The following PCDH15 variants were observed in gnomAD, a reference collection of about 807,000 sequenced individuals.
PCDH15 encodes the protein protocadherin related 15, also known as protocadherin-15.
Under a neutral mutation model 178.5 loss-of-function variants are expected in PCDH15, and 129 were observed. That is an observed-to-expected ratio of 0.72 (90% CI 0.63 to 0.84). The LOEUF is 0.84. PCDH15 is among the 40% of genes least tolerant of loss of function. PCDH15 has a pLI of 0.00. For missense variants in PCDH15, 2,230 were observed against 2,099.9 expected (o/e 1.06, Z -1.21); for synonymous variants, 800 against 732.0 (o/e 1.09, Z -1.50).
At chr10:54,961,993 C>A (rs1220493149) in intron 2 of PCDH15, among the ~76,000 whole-genome samples, 1 of 152,228 alleles carries the variant, frequency 6.6e-6, no homozygotes, top group Non-Finnish European at 1.5e-5. Context: ...TACCTTGGGT[C>A]TCCTCTCTGA....
At chr10:55,185,071 A>G (rs1720573378) in intron 1 of PCDH15, among the ~76,000 whole-genome samples, 1 of 151,920 alleles carries the variant, frequency 6.6e-6, no homozygotes, top group African/African-American at 2.4e-5. Flanking sequence ...TTTTGTGGCA[A>G]TAATATTAAA....
intron 2 of PCDH15, among the ~76,000 whole-genome samples, chr10:54,584,260 A>G (rs766317837): frequency 1.6e-4 from 25 of 152,188 alleles, no homozygotes; most frequent in Non-Finnish European, 2.4e-4. Context: ...CATGTGTGGT[A>G]GTGCCCACCT....
intron 2 of PCDH15, among the ~76,000 whole-genome samples, chr10:55,515,985 T>C (rs539195704): frequency 6.6e-6 from 1 of 152,322 alleles, no homozygotes; most frequent in South Asian, 2.1e-4. Context: ...CACATATTTA[T>C]GTCCCTGGAA....
chr10:54,834,673 C>T (rs1953285089), intron 3 of PCDH15, among the ~76,000 whole-genome samples: 1 of 152,080 alleles, frequency 6.6e-6, no homozygotes, highest in South Asian at 2.1e-4. Flanking sequence ...TTGAAACAAA[C>T]ACTCTATACT....
chr10:54,013,606 C>T (rs1336369613), intron 20 of PCDH15, among the ~76,000 whole-genome samples: 1 of 152,130 alleles, frequency 6.6e-6, no homozygotes, highest in Non-Finnish European at 1.5e-5. Context: ...CTAAGAAAAA[C>T]ATTCAAAACC....
At chr10:55,321,054 A>G (rs2132299557), upstream of PCDH15, among the ~76,000 whole-genome samples, 1 of 152,108 alleles carries the variant, frequency 6.6e-6, no homozygotes, top group South Asian at 2.1e-4. Context: ...CTTTCACTAC[A>G]TAGGAGATGA....
At chr10:54,040,823 T>C (rs2093526175) in intron 18 of PCDH15, among the ~76,000 whole-genome samples, 1 of 152,056 alleles carries the variant, frequency 6.6e-6, no homozygotes, top group African/African-American at 2.4e-5. Flanking sequence ...AAGCTTAGCA[T>C]ATATGTGTGT....
rs372838138 is a variant in PCDH15, at chr10:55,104,089, TAAACA to T, written c.-80+62482_-80+62486del. Among the ~76,000 whole-genome samples, 1,242 of 152,042 alleles carry T rather than the reference TAAACA, an allele frequency of 8.2e-3. 15 individuals carry two copies. Among genetic ancestry groups the T allele is most frequent in the African/African-American group, 0.027 (1,121 of 41,482 alleles). ...CATACATACACACACACACACAAAATAAACAAAACAATTTCGTTTGCATAAAACAG... is the reference window on the plus strand; with the variant it reads ...CATACATACACACACACACACAAAATAAACAATTTCGTTTGCATAAAACAG... On this transcript the variant is annotated intron_variant, in intron 2 of 5. Coordinates refer to the PCDH15 transcript ENST00000458638.
At chr10:53,857,929 A>G (rs1377374533) in intron 27 of PCDH15, among the ~76,000 whole-genome samples, 1 of 152,062 alleles carries the variant, frequency 6.6e-6, no homozygotes, top group Non-Finnish European at 1.5e-5. Context: ...ATGGCATTTC[A>G]TCTTTTCCTC....
At chr10:53,884,246 C>T (rs1340254977) in intron 26 of PCDH15, among the ~76,000 whole-genome samples, 1 of 152,102 alleles carries the variant, frequency 6.6e-6, no homozygotes, top group Non-Finnish European at 1.5e-5. Context: ...AGACAGAAGA[C>T]TATATTTGAG....
chr10:55,101,965 C>T (rs183786249), intron 2 of PCDH15, among the ~76,000 whole-genome samples: 31 of 151,706 alleles, frequency 2.0e-4, no homozygotes, highest in African/African-American at 6.8e-4. Flanking sequence ...TATCTATTTT[C>T]ATGTATTAAA....
intron 13 of PCDH15, among the ~76,000 whole-genome samples, chr10:54,158,966 G>T (rs549963425): frequency 2.4e-4 from 36 of 152,122 alleles, no homozygotes; most frequent in Admixed American, 7.2e-4. Context: ...ATATTAGCCA[G>T]GCGTGGTGGC....
At chr10:55,531,883 C>T (rs1841461846) in intron 2 of PCDH15, among the ~76,000 whole-genome samples, 1 of 151,886 alleles carries the variant, frequency 6.6e-6, no homozygotes, top group African/African-American at 2.4e-5. Flanking sequence ...TAAGAGATCC[C>T]TTAAAACAAT....
intron 2 of PCDH15, among the ~76,000 whole-genome samples, chr10:54,950,339 T>C (rs556657849): frequency 8.5e-5 from 13 of 152,074 alleles, no homozygotes; most frequent in African/African-American, 2.9e-4. Flanking sequence ...ATAATTCCCA[T>C]GTGTTGTGGG....
At chr10:54,903,952 G>T (rs1016833076) in intron 2 of PCDH15, among the ~76,000 whole-genome samples, 2 of 152,036 alleles carry the variant, frequency 1.3e-5, no homozygotes, top group Non-Finnish European at 2.9e-5. Flanking sequence ...TATTCTGAGT[G>T]CACTCTAGAC....
At chr10:54,987,200 C>A (rs1007520673) in intron 2 of PCDH15, among the ~76,000 whole-genome samples, 2 of 152,100 alleles carry the variant, frequency 1.3e-5, no homozygotes, top group African/African-American at 2.4e-5. Flanking sequence ...TGAACTCATC[C>A]TTTTTTAAGG....
At chr10:55,503,188 T>A (rs1368157423) in intron 2 of PCDH15, among the ~76,000 whole-genome samples, 1 of 151,238 alleles carries the variant, frequency 6.6e-6, no homozygotes, top group East Asian at 2.0e-4. Flanking sequence ...TGGGACTATC[T>A]GAATTCTACA....
At chr10:55,180,559 C>T (rs150115705) in intron 1 of PCDH15, among the ~76,000 whole-genome samples, 14 of 152,136 alleles carry the variant, frequency 9.2e-5, no homozygotes, top group Non-Finnish European at 1.6e-4. Context: ...AGGCATTGTC[C>T]TGAGTTATGC....
intron 2 of PCDH15, among the ~76,000 whole-genome samples, chr10:54,936,522 T>G (rs1471797865): frequency 2.6e-5 from 4 of 152,012 alleles, no homozygotes; most frequent in African/African-American, 9.7e-5. Flanking sequence ...CTAATTTGTT[T>G]ACATCCTTAT....
Sources: allele counts gnomAD v4.1 joint callset (sites outside exome capture counted in the v4.1 genomes callset), GRCh38; gene constraint gnomAD v4.1.1; transcripts MANE v1.5; gene names NCBI Gene and HGNC (gene_info 2026-07-23, HGNC 2026-07-21).